Variants in DGLUCY observed in about 807,000 individuals in gnomAD.
The protein encoded by DGLUCY is D-glutamate cyclase, also known as D-glutamate cyclase, mitochondrial.
In DGLUCY, 58 loss-of-function variants were observed where a neutral mutation model predicts 58.5. The ratio of observed to expected loss-of-function variants is 0.99; its 90% CI spans 0.80 to 1.23. The LOEUF is 1.23. Among genes scored for constraint, DGLUCY ranks in the 50% most tolerant of loss-of-function variants. The probability of loss-of-function intolerance (pLI) is 0.00; values close to 1 mark genes in which losing one functional copy is unlikely to be tolerated. For synonymous variants in DGLUCY, 325 were observed against 314.1 expected (o/e 1.03, Z -0.37); for missense variants, 779 against 784.7 (o/e 0.99, Z 0.09).
At chr14:91,191,546 G>C (rs2049893553) in intron 9 of DGLUCY, among the ~76,000 whole-genome samples, 1 of 152,120 alleles carries the variant, frequency 6.6e-6, no homozygotes, top group Non-Finnish European at 1.5e-5. Context: ...AACCTTGAAG[G>C]TGCACGTTCC....
At chr14:91,185,998 A>G (rs2401981) in intron 8 of DGLUCY, among the ~76,000 whole-genome samples, 151,294 of 152,318 alleles carry the variant, frequency 0.99, 75,149 homozygotes, top group East Asian at 1. Context: ...TACTCACTGG[A>G]CATAATAATA....
chr14:91,176,174 C>A, intron 7 of DGLUCY, 118 bp downstream of exon 7: 1 of 1,291,398 alleles, frequency 7.7e-7, no homozygotes, highest in Non-Finnish European at 1.0e-6. Context: ...TGAAACAAAA[C>A]ACAAAACAGA....
At chr14:91,064,287 G>A (rs576998021) in intron 1 of DGLUCY, among the ~76,000 whole-genome samples, 1 of 152,226 alleles carries the variant, frequency 6.6e-6, no homozygotes, top group African/African-American at 2.4e-5. Context: ...GTAAGCTTAG[G>A]AATCACTGGC....
chr14:91,176,119 C>A, intron 7 of DGLUCY, 63 bp downstream of exon 7: 1 of 1,562,318 alleles, frequency 6.4e-7, no homozygotes, highest in East Asian at 2.3e-5. Context: ...GGGTCTAGTT[C>A]TTGAAAGCAT....
Position 91,126,876 on chromosome 14 carries a change from C to G in DGLUCY, c.-82+12593C>G, listed in dbSNP as rs535324868. 7.2e-5 allele frequency among the ~76,000 whole-genome samples: 11 copies of G among 152,140 alleles called. No individual in the cohort carries two copies. In the East Asian group the frequency reaches 2.1e-3, roughly 29 times the overall value. On this transcript the variant is annotated intron_variant, in intron 1 of 13. Coordinates refer to ENST00000256324, the MANE Select transcript of DGLUCY (RefSeq NM_001102368.3). ...TCTCTTTGGGGGCCACATTCCACCCCCTGTAGGGCAGAAATAAATAGCCAC... is the reference window on the plus strand; with the variant it reads ...TCTCTTTGGGGGCCACATTCCACCCGCTGTAGGGCAGAAATAAATAGCCAC...
chr14:91,113,099 A>T (rs1392381877), upstream of DGLUCY, among the ~76,000 whole-genome samples: 1 of 151,884 alleles, frequency 6.6e-6, no homozygotes, highest in Non-Finnish European at 1.5e-5. Flanking sequence ...CAGGCGCTCG[A>T]GACCAGCCCA....
intron 1 of DGLUCY, among the ~76,000 whole-genome samples, chr14:91,154,227 T>A (rs943262427): frequency 6.6e-6 from 1 of 152,212 alleles, no homozygotes; most frequent in Non-Finnish European, 1.5e-5. Flanking sequence ...TTATACATTT[T>A]AGGGAGACCT....
intron 1 of DGLUCY, among the ~76,000 whole-genome samples, chr14:91,139,633 C>T (rs1246983062): frequency 2.6e-5 from 4 of 152,130 alleles, no homozygotes; most frequent in African/African-American, 7.2e-5. Flanking sequence ...TGCAGTGCGC[C>T]GAGATCGTGC....
chr14:91,149,667 C>T (rs1391090171), intron 1 of DGLUCY, among the ~76,000 whole-genome samples: 4 of 152,210 alleles, frequency 2.6e-5, no homozygotes, highest in African/African-American at 9.6e-5. Flanking sequence ...GTTGCAGAAA[C>T]TCTGTACTAA....
At chr14:91,073,727 C>T (rs1357641341) in intron 1 of DGLUCY, among the ~76,000 whole-genome samples, 1 of 152,140 alleles carries the variant, frequency 6.6e-6, no homozygotes, top group African/African-American at 2.4e-5. Context: ...AAGAGCCGCT[C>T]CCTTGCCAAC....
upstream of DGLUCY, among the ~76,000 whole-genome samples, chr14:91,106,353 C>T (rs2044589736): frequency 6.6e-6 from 1 of 151,666 alleles, no homozygotes; most frequent in Non-Finnish European, 1.5e-5. Flanking sequence ...TATATACAGT[C>T]TGTCATTAAC....
chr14:91,198,671 A>G (rs1237970896), intron 10 of DGLUCY, among the ~76,000 whole-genome samples: 1 of 152,204 alleles, frequency 6.6e-6, no homozygotes, highest in Admixed American at 6.5e-5. Context: ...TTGGATTGTC[A>G]AAACAGTAGT....
intron 1 of DGLUCY, among the ~76,000 whole-genome samples, chr14:91,142,366 C>T (rs1435665460): frequency 2.0e-5 from 3 of 152,132 alleles, no homozygotes; most frequent in Non-Finnish European, 4.4e-5. Context: ...AGAACACTTC[C>T]TGTCACAAAT....
chr14:91,152,794 G>T (rs1367262169), intron 1 of DGLUCY, among the ~76,000 whole-genome samples: 2 of 152,226 alleles, frequency 1.3e-5, no homozygotes, highest in Non-Finnish European at 2.9e-5. Flanking sequence ...ATGGAGTTTT[G>T]TAACACTGTG....
chr14:91,201,614 A>G (rs370999746), intron 11 of DGLUCY, among the ~76,000 whole-genome samples: 2 of 151,792 alleles, frequency 1.3e-5, no homozygotes, highest in African/African-American at 4.8e-5. Context: ...TAACTTTTAA[A>G]CATTTTTTTG....
At chr14:91,167,526 A>G (rs999577604) in intron 4 of DGLUCY, 148 bp downstream of exon 4, 2 of 1,047,584 alleles carry the variant, frequency 1.9e-6, no homozygotes, top group Non-Finnish European at 2.9e-6. Context: ...TTGCTCAGGA[A>G]CGAGCTGCCC....
intron 1 of DGLUCY, among the ~76,000 whole-genome samples, chr14:91,082,450 A>G (rs1383233149): frequency 6.6e-6 from 1 of 152,206 alleles, no homozygotes; most frequent in Admixed American, 6.5e-5. Context: ...ATTGTTGAGA[A>G]CAAAGTCCAC....
chr14:91,103,767 TATC>T (rs376840443), upstream of DGLUCY, among the ~76,000 whole-genome samples: 8 of 152,092 alleles, frequency 5.3e-5, no homozygotes, highest in East Asian at 5.8e-4. Flanking sequence ...TGCTATCTCT[TATC>T]ATATATATAA....
At chr14:91,086,239 C>T (rs1386597077) in intron 1 of DGLUCY, among the ~76,000 whole-genome samples, 2 of 152,128 alleles carry the variant, frequency 1.3e-5, no homozygotes, top group East Asian at 3.8e-4. Context: ...ATAATCATTT[C>T]ATTATATATT....
Sources: allele counts gnomAD v4.1 joint callset (sites outside exome capture counted in the v4.1 genomes callset), GRCh38; gene constraint gnomAD v4.1.1; transcripts MANE v1.5; gene names NCBI Gene and HGNC (gene_info 2026-07-23, HGNC 2026-07-21).